The following PAK2 variants were observed in gnomAD, a reference collection of about 807,000 sequenced individuals.
The protein encoded by PAK2 is p21 (RAC1) activated kinase 2, also known as serine/threonine-protein kinase PAK 2.
Under a neutral mutation model 65.9 loss-of-function variants are expected in PAK2, and 21 were observed. The observed-to-expected ratio is 0.32, with a 90% confidence interval of 0.23 to 0.46. The LOEUF (loss-of-function observed/expected upper bound fraction) is 0.46, where lower values mean the gene tolerates loss of function less well. Among genes scored for constraint, PAK2 ranks in the 20% least tolerant of loss-of-function variants. The probability of loss-of-function intolerance (pLI) is 1.00; values close to 1 mark genes in which losing one functional copy is unlikely to be tolerated. For missense variants in PAK2, 324 were observed against 642.6 expected (o/e 0.50, Z 5.36); for synonymous variants, 204 against 219.7 (o/e 0.93, Z 0.63).
intron 8 of PAK2, among the ~76,000 whole-genome samples, chr3:196,811,346 C>T (rs1259047952): frequency 7.4e-6 from 1 of 136,014 alleles, no homozygotes; most frequent in Non-Finnish European, 1.6e-5. Flanking sequence ...CCTTCCCTCC[C>T]TTCCTTCCCT....
At chr3:196,806,297 T>C (rs1451305279) in intron 5 of PAK2, among the ~76,000 whole-genome samples, 1 of 152,172 alleles carries the variant, frequency 6.6e-6, no homozygotes, top group Non-Finnish European at 1.5e-5. Flanking sequence ...ACAAGTAACA[T>C]TGTTTACTTT....
intron 1 of PAK2, among the ~76,000 whole-genome samples, chr3:196,754,690 G>A (rs1400767189): frequency 6.6e-6 from 1 of 152,180 alleles, no homozygotes; most frequent in Admixed American, 6.5e-5. Flanking sequence ...GAAGCAGTGT[G>A]TCCATTCGGG....
Position 196,807,181 on chromosome 3 carries a change from G to A in PAK2, c.576+495G>A, listed in dbSNP as rs78980298. Reference sequence around the variant, plus strand: ...GAGCCAGGAAGAGAGGAATGACTGCGGTTACCATTCTGCTCCCTTCAGTAC... The same window carrying A: ...GAGCCAGGAAGAGAGGAATGACTGCAGTTACCATTCTGCTCCCTTCAGTAC... On this transcript the variant is annotated intron_variant, in intron 6 of 14. Transcript: ENST00000327134. 3.0e-3 allele frequency among the ~76,000 whole-genome samples: 455 copies of A among 152,256 alleles called. 3 individuals are homozygous for A. The highest frequency in any genetic ancestry group is 0.01 in the African/African-American group (432 of 41,548).
At chr3:196,752,980 A>G (rs1478800583) in intron 1 of PAK2, among the ~76,000 whole-genome samples, 1 of 150,548 alleles carries the variant, frequency 6.6e-6, no homozygotes, top group Non-Finnish European at 1.5e-5. Context: ...TAAGAGAAAA[A>G]AAAATTTTTT....
Position 196,810,672 on chromosome 3 carries a change from A to G in PAK2, c.773+19A>G. 8.5e-7 allele frequency: 1 copy of G among 1,177,120 alleles called. No individual in the cohort carries two copies. Among genetic ancestry groups the G allele is most frequent in the Non-Finnish European group, 1.3e-6 (1 of 784,518 alleles). The allele number at this position is 1,177,120 out of a possible 1,614,324, so 72.9% of individuals were successfully genotyped here. A position where few individuals can be genotyped will look rare whatever the true frequency, so the allele number is the denominator to read the frequency against. The stretch of plus-strand genomic sequence containing the variant: ...GACAAGGGTAAGTATTTGTGACTGT[A>G]TTACGATAATATTCAGTATTCAGTA... On this transcript the variant is annotated intron_variant, in intron 8 of 14. Transcript: ENST00000327134.
intron 1 of PAK2, among the ~76,000 whole-genome samples, chr3:196,741,069 C>G (rs964804941): frequency 2.0e-5 from 3 of 152,186 alleles, no homozygotes; most frequent in African/African-American, 7.2e-5. Flanking sequence ...TATCTCACTT[C>G]TGCGTTACAG....
At chr3:196,815,695 G>C (rs1290550252) in intron 11 of PAK2, among the ~76,000 whole-genome samples, 1 of 151,814 alleles carries the variant, frequency 6.6e-6, no homozygotes, top group Non-Finnish European at 1.5e-5. Flanking sequence ...GCTGAGACGG[G>C]AGATTAGCTT....
intron 1 of PAK2, among the ~76,000 whole-genome samples, chr3:196,779,768 T>C (rs1401972095): frequency 6.6e-6 from 1 of 152,208 alleles, no homozygotes; most frequent in Non-Finnish European, 1.5e-5. Context: ...CCTCCCGGGC[T>C]CAAGTGATTC....
intron 1 of PAK2, among the ~76,000 whole-genome samples, chr3:196,750,243 G>C (rs1358776031): frequency 6.6e-6 from 1 of 152,064 alleles, no homozygotes; most frequent in Non-Finnish European, 1.5e-5. Context: ...ATCCACCTCT[G>C]CCTCCCAAAG....
chr3:196,814,271 C>A (rs186301910), intron 10 of PAK2, among the ~76,000 whole-genome samples, 180 bp from the exon 11 acceptor site: 2 of 152,288 alleles, frequency 1.3e-5, no homozygotes, highest in Admixed American at 1.3e-4. Context: ...GATTCAGGAT[C>A]ATAACTTCAG....
At position 196,746,469 on chromosome 3, in the gene PAK2, C is replaced by T. The variant is rs149253187; in HGVS notation, c.-22+6312C>T. On this transcript the variant is annotated intron_variant, in intron 1 of 14. Coordinates refer to ENST00000327134, the MANE Select transcript of PAK2 (RefSeq NM_002577.4). ...CAAAATCCCACTCATATTAGTCCTG[C>T]GTACGGAATTTATTGAAAGGTTAGA... Among the ~76,000 whole-genome samples the T allele has an allele frequency of 7.2e-5, 11 of 152,132 alleles. No homozygotes were observed. In the East Asian group the frequency reaches 9.6e-4, roughly 13 times the overall value.
chr3:196,802,467 T>A (rs146911716), intron 3 of PAK2, among the ~76,000 whole-genome samples: 15 of 152,280 alleles, frequency 9.9e-5, no homozygotes, highest in African/African-American at 2.4e-4. Context: ...TTTTGCTTTT[T>A]ATAAAAGTGT....
At chr3:196,759,867 C>T (rs903140194) in intron 1 of PAK2, among the ~76,000 whole-genome samples, 2 of 151,920 alleles carry the variant, frequency 1.3e-5, no homozygotes, top group African/African-American at 2.4e-5. Flanking sequence ...GTTATACAGC[C>T]GTCCCCACTA....
rs768361566 is a variant in PAK2 at position 196,812,719 on chromosome 3, C to G, written c.823-20C>G. On this transcript the variant is annotated intron_variant, in intron 9 of 14. Coordinates refer to ENST00000327134, the MANE Select transcript of PAK2 (RefSeq NM_002577.4). ...GAGAATTCCTAAACCTGGTTTTTTT[C>G]AATCCTGTTTTCATTATAGGTTGCT... 1 of 1,100,836 alleles carries G rather than the reference C, an allele frequency of 9.1e-7. No homozygotes were observed. The highest frequency in any genetic ancestry group is 1.6e-5 in the African/African-American group (1 of 63,756). The allele number at this position is 1,100,836 out of a possible 1,614,324, so 68.2% of individuals were successfully genotyped here.
chr3:196,800,812 A>AATTAGT, intron 2 of PAK2, among the ~76,000 whole-genome samples: 1 of 152,316 alleles, frequency 6.6e-6, no homozygotes, highest in East Asian at 1.9e-4. Flanking sequence ...AAATTAGTGA[A>AATTAGT]GAACTATCAC....
intron 2 of PAK2, among the ~76,000 whole-genome samples, chr3:196,792,814 TATAC>T (rs947524426): frequency 1.3e-5 from 2 of 150,308 alleles, no homozygotes; most frequent in African/African-American, 2.5e-5. Context: ...AATATATATA[TATAC>T]ACACACACAC....
At chr3:196,797,627 C>G (rs1196345953) in intron 2 of PAK2, among the ~76,000 whole-genome samples, 2 of 151,158 alleles carry the variant, frequency 1.3e-5, no homozygotes, top group African/African-American at 4.9e-5. Flanking sequence ...TCGTGGGCAC[C>G]TGTAATCCCA....
chr3:196,759,705 T>A (rs1018981269), intron 1 of PAK2, among the ~76,000 whole-genome samples: 2 of 151,780 alleles, frequency 1.3e-5, no homozygotes, highest in African/African-American at 4.8e-5. Flanking sequence ...TTTTGTATTT[T>A]TAGTAGAGAT....
intron 7 of PAK2, 65 bp downstream of exon 7, chr3:196,807,979 T>C (rs2108760851): frequency 6.6e-7 from 1 of 1,513,990 alleles, no homozygotes; most frequent in Non-Finnish European, 9.0e-7. Context: ...TTGGCCCAGA[T>C]GGATTTTAAC....
Sources: gnomAD v4.1 joint callset for allele counts (sites outside exome capture counted in the v4.1 genomes callset) on GRCh38, gnomAD v4.1.1 for gene constraint, MANE v1.5 for transcripts, NCBI Gene and HGNC (gene_info 2026-07-23, HGNC 2026-07-21) for gene names.